PXDNL: variants seen among roughly 807,000 people sequenced by gnomAD.
PXDNL encodes peroxidasin like, also known as probable oxidoreductase PXDNL.
PXDNL carries 145 observed loss-of-function variants against 150.8 expected under a neutral mutation model. The ratio of observed to expected loss-of-function variants is 0.96; its 90% CI spans 0.84 to 1.10. The LOEUF (loss-of-function observed/expected upper bound fraction) is 1.10. Ranked by LOEUF, PXDNL falls within the 50% of genes least tolerant of loss-of-function variation. The pLI is 0.00. For synonymous variants in PXDNL, 757 were observed against 725.7 expected, an observed-to-expected ratio of 1.04 and a Z score of -0.69; for missense variants, 2,087 against 1,873.9, an observed-to-expected ratio of 1.11 and a Z score of -2.10.
At chr8:51,534,811 C>A (rs1585558264) in intron 4 of PXDNL, among the ~76,000 whole-genome samples, 2 of 126,704 alleles carry the variant, frequency 1.6e-5, no homozygotes, top group Admixed American at 1.4e-4. Context: ...GTCAGCCCCC[C>A]GCCCGGCCAG....
intron 2 of PXDNL, among the ~76,000 whole-genome samples, chr8:51,613,281 T>C (rs1490267669): frequency 6.6e-6 from 1 of 151,548 alleles, no homozygotes. Flanking sequence ...TGAGTTCAGT[T>C]TAGGAGAGAA....
rs1007093325 is a variant in PXDNL at position 51,476,460 on chromosome 8, A to G, written c.525-1319T>C. ...CTGGAATTGCTACATGTAGACTGTA[A>G]CAGGAAGGCGATGGCTCTTTTCATT... On this transcript the variant is annotated intron_variant, in intron 6 of 22. Coordinates refer to ENST00000356297, the MANE Select transcript of PXDNL (RefSeq NM_144651.5). Among the ~76,000 whole-genome samples, 3 of 152,194 alleles carry G rather than the reference A, an allele frequency of 2.0e-5. No individual in the cohort carries two copies. In the East Asian group the frequency reaches 5.8e-4, roughly 29 times the overall value.
intron 3 of PXDNL, among the ~76,000 whole-genome samples, chr8:51,580,865 T>G (rs1350593832): frequency 1.3e-5 from 2 of 152,200 alleles, no homozygotes; most frequent in Admixed American, 1.3e-4. Flanking sequence ...GGATGTGAGC[T>G]GCTGGCTGTT....
intron 17 of PXDNL, among the ~76,000 whole-genome samples, chr8:51,388,841 T>C (rs188459366): frequency 6.7e-4 from 102 of 152,310 alleles, no homozygotes; most frequent in African/African-American, 2.5e-3. Context: ...ATTTCTAGTA[T>C]GCTGTTTCAC....
At chr8:51,413,089 T>A in intron 15 of PXDNL, 61 bp downstream of exon 15, 1 of 1,071,476 alleles carries the variant, frequency 9.3e-7, no homozygotes, top group Non-Finnish European at 1.4e-6. Context: ...ATGGAGATGA[T>A]AAAAACTAAG....
chr8:51,676,310 T>TC (rs1325585739), intron 1 of PXDNL, among the ~76,000 whole-genome samples: 2 of 152,060 alleles, frequency 1.3e-5, no homozygotes, highest in African/African-American at 4.8e-5. Context: ...GGAATCTTGC[T>TC]CTGTCACCCA....
intron 2 of PXDNL, among the ~76,000 whole-genome samples, chr8:51,635,850 T>G (rs554188892): frequency 6.6e-6 from 1 of 152,200 alleles, no homozygotes; most frequent in South Asian, 2.1e-4. Context: ...CTTAACTCAC[T>G]CTATGAGTTT....
intron 1 of PXDNL, among the ~76,000 whole-genome samples, chr8:51,732,738 T>C (rs1162244093): frequency 6.6e-6 from 1 of 152,172 alleles, no homozygotes; most frequent in Non-Finnish European, 1.5e-5. Flanking sequence ...ACATCTTACA[T>C]GGCAGCAGGC....
chr8:51,694,995 GTT>G (rs1422510426), intron 1 of PXDNL, among the ~76,000 whole-genome samples: 12 of 152,268 alleles, frequency 7.9e-5, no homozygotes, highest in African/African-American at 2.6e-4. Flanking sequence ...ATCTGAGTGG[GTT>G]CAGAGCCTCT....
intron 2 of PXDNL, among the ~76,000 whole-genome samples, chr8:51,610,307 T>G (rs1446129939): frequency 2.6e-5 from 4 of 152,188 alleles, no homozygotes; most frequent in Non-Finnish European, 5.9e-5. Context: ...GCACCATCCA[T>G]AGTTCTGGAG....
intron 1 of PXDNL, among the ~76,000 whole-genome samples, chr8:51,804,217 A>G (rs1325683472): frequency 1.4e-4 from 22 of 152,260 alleles, no homozygotes; most frequent in Admixed American, 1.4e-3. Flanking sequence ...TAGGTCATAC[A>G]TAGATAAGAA....
chr8:51,369,653 T>TA (rs5891407), intron 19 of PXDNL, among the ~76,000 whole-genome samples: 21,294 of 148,996 alleles, frequency 0.14, 1,997 homozygotes, highest in East Asian at 0.28. Context: ...TATAGTGCCA[T>TA]AAAAAAAAAA....
At chr8:51,808,193 A>AT (rs1189001115) in intron 1 of PXDNL, among the ~76,000 whole-genome samples, 2 of 152,174 alleles carry the variant, frequency 1.3e-5, no homozygotes, top group Non-Finnish European at 2.9e-5. Flanking sequence ...AATTCCAGGA[A>AT]TTTTAAGCTA....
chr8:51,356,032 G>A (rs1282164818), intron 19 of PXDNL, among the ~76,000 whole-genome samples: 1 of 152,230 alleles, frequency 6.6e-6, no homozygotes, highest in Admixed American at 6.5e-5. Context: ...AAATGGACTT[G>A]GCAATGGGGA....
chr8:51,735,557 T>TG (rs1563304365), intron 1 of PXDNL, among the ~76,000 whole-genome samples: 4 of 130,628 alleles, frequency 3.1e-5, no homozygotes, highest in African/African-American at 1.2e-4. Context: ...TTTTTTTTTT[T>TG]TTTTTTTGAG....
chr8:51,540,986 G>A (rs114072029), intron 4 of PXDNL, among the ~76,000 whole-genome samples: 5,103 of 151,732 alleles, frequency 0.034, 294 homozygotes, highest in African/African-American at 0.12. Context: ...TCAGCTGGTT[G>A]CAGTGGCTTA....
At chr8:51,554,543 T>A (rs1259107831) in intron 4 of PXDNL, among the ~76,000 whole-genome samples, 4 of 152,226 alleles carry the variant, frequency 2.6e-5, no homozygotes, top group African/African-American at 9.7e-5. Flanking sequence ...AAATCATTCA[T>A]CTCTTCCTAC....
intron 3 of PXDNL, among the ~76,000 whole-genome samples, chr8:51,591,847 T>C (rs1813450848): frequency 6.6e-6 from 1 of 152,216 alleles, no homozygotes; most frequent in Non-Finnish European, 1.5e-5. Flanking sequence ...CTCCATCTCC[T>C]GACCTCGTGA....
chr8:51,776,867 C>G (rs551616303), intron 1 of PXDNL, among the ~76,000 whole-genome samples: 1 of 152,070 alleles, frequency 6.6e-6, no homozygotes, highest in Non-Finnish European at 1.5e-5. Flanking sequence ...TTCTTTAACT[C>G]TCTCCCTTCT....
Sources: allele counts gnomAD v4.1 joint callset (sites outside exome capture counted in the v4.1 genomes callset), GRCh38; gene constraint gnomAD v4.1.1; transcripts MANE v1.5; gene names NCBI Gene and HGNC (gene_info 2026-07-23, HGNC 2026-07-21).